Variants in PAPPA observed in about 807,000 individuals in gnomAD.
The protein encoded by PAPPA is pappalysin 1.
A neutral mutation model predicts 164.0 loss-of-function variants in PAPPA; 60 were observed. The observed-to-expected ratio is 0.37, with a 90% CI of 0.30 to 0.45. The LOEUF (loss-of-function observed/expected upper bound fraction) is 0.45. PAPPA is among the 20% of genes least tolerant of loss of function. The pLI is 1.00. For synonymous variants in PAPPA, 875 were observed against 814.1 expected (o/e 1.07, Z -1.27); for missense variants, 1,782 against 2,087.3 (o/e 0.85, Z 2.85).
intron 18 of PAPPA, among the ~76,000 whole-genome samples, chr9:116,367,160 T>A (rs76991272): frequency 0.012 from 1,797 of 152,168 alleles, 53 homozygotes; most frequent in East Asian, 0.067. Context: ...GGAAGGCAGA[T>A]TGGGGGACAT....
rs1844529133 is a variant in PAPPA, at chr9:116,227,526, G to C, written c.2207G>C (p.Gly736Ala). ...TCCCCAATGCCCTGCAGCCCATCAG[G>C]ACACTGGAGCCCTCGTGAAGCAGAA... Reference protein sequence around the residue: ...ASSPMPCSPSGHWSPREAEGH... With the variant: ...ASSPMPCSPSAHWSPREAEGH... Residue 736 changes from glycine (G) to alanine (A), a missense_variant, in exon 6 of 22, where the codon GGA becomes GCA. Around this residue, in one of 2 missense-constraint regions of PAPPA, gnomAD observed 1,324 missense variants for 1,656.9 expected, o/e 0.80. Coordinates refer to ENST00000328252, the MANE Select transcript of PAPPA (RefSeq NM_002581.5). 1 of 1,613,968 alleles carries C rather than the reference G, an allele frequency of 6.2e-7. No individual in the cohort carries two copies. Among genetic ancestry groups the C allele is most frequent in the Admixed American group, 1.7e-5 (1 of 59,986 alleles).
chr9:116,342,155 A>G (rs1846146749), intron 13 of PAPPA, among the ~76,000 whole-genome samples: 1 of 152,240 alleles, frequency 6.6e-6, no homozygotes, highest in Non-Finnish European at 1.5e-5. Flanking sequence ...TGTTAGGCAC[A>G]GGTCAGAACA....
At chr9:116,309,468 G>A (rs1167681066) in intron 10 of PAPPA, among the ~76,000 whole-genome samples, 2 of 152,082 alleles carry the variant, frequency 1.3e-5, no homozygotes, top group African/African-American at 4.8e-5. Context: ...CCACAGCAAG[G>A]GACTAGATAC....
chr9:116,231,847 A>G (rs906188451), intron 6 of PAPPA, among the ~76,000 whole-genome samples: 4 of 142,402 alleles, frequency 2.8e-5, no homozygotes, highest in African/African-American at 1.1e-4. Context: ...CTGCAACCTC[A>G]GCCTCACGGG....
chr9:116,339,916 T>A (rs952599570), intron 13 of PAPPA, among the ~76,000 whole-genome samples: 2 of 152,186 alleles, frequency 1.3e-5, no homozygotes, highest in African/African-American at 2.4e-5. Flanking sequence ...AGATAAGGTT[T>A]TACCTCTACA....
intron 8 of PAPPA, 42 bp downstream of exon 8, chr9:116,266,027 T>TCC: frequency 6.4e-7 from 1 of 1,558,882 alleles, no homozygotes; most frequent in Non-Finnish European, 8.8e-7. Context: ...GGGATGCTGG[T>TCC]TAGGTCAAGA....
Position 116,399,742 on chromosome 9 carries a change from G to T in PAPPA, c.*3126G>T, listed in dbSNP as rs1286855993. The T allele has an allele frequency of 6.6e-6, 1 of 152,556 alleles. No homozygotes were observed. Among genetic ancestry groups the T allele is most frequent in the Non-Finnish European group, 1.5e-5 (1 of 68,030 alleles). The allele number at this position is 152,556 out of a possible 1,614,324, so 9.5% of individuals were successfully genotyped here. A position where few individuals can be genotyped will look rare whatever the true frequency, so the allele number is the denominator to read the frequency against. ...AACCTTTTAAGGAAATACAGTCCTT[G>T]GGAAATGAGTTTTGATGGTGAATTG... On this transcript the variant is annotated 3_prime_UTR_variant, in exon 22 of 22. Coordinates refer to ENST00000328252, the MANE Select transcript of PAPPA (RefSeq NM_002581.5).
intron 2 of PAPPA, among the ~76,000 whole-genome samples, chr9:116,196,192 C>T (rs541696185): frequency 2.0e-5 from 3 of 152,154 alleles, no homozygotes; most frequent in African/African-American, 7.2e-5. Flanking sequence ...AACTCCTTTG[C>T]GGGGAGAAGT....
intron 7 of PAPPA, among the ~76,000 whole-genome samples, chr9:116,257,454 G>A (rs913819629): frequency 6.6e-6 from 1 of 151,888 alleles, no homozygotes; most frequent in South Asian, 2.1e-4. Context: ...TAATCCCAGT[G>A]CTTTGGGAGG....
At chr9:116,353,431 G>A (rs554602723) in intron 16 of PAPPA, among the ~76,000 whole-genome samples, 191 bp from the exon 17 acceptor site, 1 of 152,316 alleles carries the variant, frequency 6.6e-6, no homozygotes, top group Non-Finnish European at 1.5e-5. Flanking sequence ...ATTTCTGCCT[G>A]CTCTTGCTAA....
chr9:116,352,789 C>A lies in PAPPA; in HGVS notation c.4048C>A (p.Pro1350Thr), dbSNP rs746673762. The change falls in exon 16 of 22, where the codon CCC (proline) becomes ACC (threonine). Residue 1350 changes from proline (P) to threonine (T), a missense_variant. Transcript: ENST00000328252. ...ALCELMCLAP[P>T]PVPNADLQTA... ...GTGTGAGCTCATGTGCCTCGCTCCACCCCCTGTGCCCAATGCAGACCTCCA... is the reference window on the plus strand; with the variant it reads ...GTGTGAGCTCATGTGCCTCGCTCCAACCCCTGTGCCCAATGCAGACCTCCA... 11 of 1,613,844 alleles carry A rather than the reference C, an allele frequency of 6.8e-6. No homozygotes were observed. The highest frequency in any genetic ancestry group is 9.3e-6 in the Non-Finnish European group (11 of 1,179,958).
At chr9:116,286,776 T>TA (rs1020894233) in intron 9 of PAPPA, 1 of 152,238 alleles carries the variant, frequency 6.6e-6, no homozygotes, top group African/African-American at 2.4e-5. Flanking sequence ...TCTTTTACTT[T>TA]AAAAAATTTG....
chr9:116,280,511 C>G (rs10739460), intron 9 of PAPPA, among the ~76,000 whole-genome samples: 152,048 of 152,342 alleles, frequency 1, 75,878 homozygotes, highest in Middle Eastern at 1. Context: ...GAGGGAAAAG[C>G]AAGTCAGCAT....
At chr9:116,317,315 A>C (rs1225400921) in intron 10 of PAPPA, among the ~76,000 whole-genome samples, 2 of 152,206 alleles carry the variant, frequency 1.3e-5, no homozygotes, top group African/African-American at 4.8e-5. Flanking sequence ...GGATGTGATC[A>C]TCACTTTCCT....
chr9:116,163,750 C>T (rs2118978825), intron 1 of PAPPA, among the ~76,000 whole-genome samples: 1 of 152,218 alleles, frequency 6.6e-6, no homozygotes, highest in East Asian at 1.9e-4. Context: ...CTCAGCAACA[C>T]TGGGGAAAAA....
intron 4 of PAPPA, among the ~76,000 whole-genome samples, chr9:116,219,391 G>T (rs2118703250): frequency 6.6e-6 from 1 of 152,320 alleles, no homozygotes; most frequent in Non-Finnish European, 1.5e-5. Flanking sequence ...CACTCAGAAG[G>T]TTTGTTTGAA....
rs748327371 is a variant in PAPPA at position 116,259,149 on chromosome 9, A to AAAT, written c.2733-6690_2733-6688dup. Reference sequence around the variant, plus strand: ...ACTCCGTCTAAAAAATAATAATAGTAAATAATAATAATAATAATAAAAACC... The same window carrying AAAT: ...ACTCCGTCTAAAAAATAATAATAGTAAATAATAATAATAATAATAATAAAAACC... On this transcript the variant is annotated intron_variant, in intron 7 of 21. Transcript: ENST00000328252. Among the ~76,000 whole-genome samples, 885 of 151,392 alleles carry AAAT rather than the reference A, an allele frequency of 5.8e-3. 7 individuals carry two copies. The highest frequency in any genetic ancestry group is 8.8e-3 in the Non-Finnish European group (599 of 67,816).
At chr9:116,208,476 A>G (rs1157898646) in intron 3 of PAPPA, among the ~76,000 whole-genome samples, 2 of 152,162 alleles carry the variant, frequency 1.3e-5, no homozygotes, top group Admixed American at 1.3e-4. Context: ...TCCCCTCTCT[A>G]AAGCCAAGAT....
intron 10 of PAPPA, among the ~76,000 whole-genome samples, chr9:116,306,732 A>T (rs1307421780): frequency 6.6e-6 from 1 of 152,198 alleles, no homozygotes; most frequent in African/African-American, 2.4e-5. Flanking sequence ...TCCATGTTTC[A>T]CATTTCTCTA....
Sources: gnomAD v4.1 joint callset for allele counts (sites outside exome capture counted in the v4.1 genomes callset) on GRCh38, gnomAD v4.1.1 for gene constraint, gnomAD v4.1.1 regional missense constraint, MANE v1.5 for transcripts, NCBI Gene and HGNC (gene_info 2026-07-23, HGNC 2026-07-21) for gene names.